GRIK2: variants seen among roughly 807,000 people sequenced by gnomAD.
The protein encoded by GRIK2 is glutamate receptor ionotropic, kainate 2.
Under a neutral mutation model 100.3 loss-of-function variants are expected in GRIK2, and 32 were observed. The observed-to-expected ratio is 0.32, with a 90% CI of 0.24 to 0.43. The LOEUF is 0.43. Ranked by LOEUF, GRIK2 falls within the 20% of genes least tolerant of loss-of-function variation. The pLI is 1.00. For synonymous variants in GRIK2, 417 were observed against 389.4 expected (o/e 1.07, Z -0.83); for missense variants, 843 against 1,114.9 (o/e 0.76, Z 3.47).
chr6:101,692,214 T>C (rs1448359651), intron 7 of GRIK2, among the ~76,000 whole-genome samples: 1 of 152,100 alleles, frequency 6.6e-6, no homozygotes, highest in African/African-American at 2.4e-5. Flanking sequence ...TCATTTGAAA[T>C]GAATATAAAT....
intron 2 of GRIK2, among the ~76,000 whole-genome samples, chr6:101,531,485 G>T (rs984672249): frequency 6.6e-6 from 1 of 151,836 alleles, no homozygotes; most frequent in African/African-American, 2.4e-5. Flanking sequence ...TAGAAGATAA[G>T]GTAGTTGAAG....
At chr6:101,485,336 C>A (rs1354943510) in intron 2 of GRIK2, among the ~76,000 whole-genome samples, 1 of 152,100 alleles carries the variant, frequency 6.6e-6, no homozygotes, top group Admixed American at 6.6e-5. Flanking sequence ...TGATTCCAGT[C>A]CAGTCCAGCA....
intron 14 of GRIK2, among the ~76,000 whole-genome samples, chr6:101,951,104 TGTTA>T (rs1791579007): frequency 6.6e-6 from 1 of 152,224 alleles, no homozygotes; most frequent in African/African-American, 2.4e-5. Flanking sequence ...TTTACTGTGA[TGTTA>T]GTAGAGAAAT....
At chr6:101,953,203 G>A (rs185151858) in intron 14 of GRIK2, among the ~76,000 whole-genome samples, 368 of 152,022 alleles carry the variant, frequency 2.4e-3, no homozygotes, top group African/African-American at 8.5e-3. Context: ...CCACTTTTTG[G>A]ATATTATAAA....
intron 2 of GRIK2, among the ~76,000 whole-genome samples, chr6:101,418,007 G>T: frequency 6.6e-6 from 1 of 152,240 alleles, no homozygotes; most frequent in East Asian, 1.9e-4. Context: ...TCTCTCAAAT[G>T]CAGAGTTCTG....
intron 11 of GRIK2, among the ~76,000 whole-genome samples, chr6:101,874,436 G>T (rs533189031): frequency 6.6e-6 from 1 of 152,058 alleles, no homozygotes; most frequent in Non-Finnish European, 1.5e-5. Context: ...TGCGGGCTGC[G>T]TTCTGTTCCA....
chr6:101,979,295 A>G (rs1378081578), intron 14 of GRIK2, among the ~76,000 whole-genome samples: 4 of 151,972 alleles, frequency 2.6e-5, no homozygotes, highest in East Asian at 1.9e-4. Context: ...ATTTTAAAGC[A>G]TGTTAGAGTT....
intron 10 of GRIK2, among the ~76,000 whole-genome samples, chr6:101,822,155 A>T (rs963081528): frequency 1.3e-5 from 2 of 151,490 alleles, no homozygotes; most frequent in African/African-American, 4.9e-5. Context: ...AATAGACATG[A>T]TCGCTTCCCT....
intron 11 of GRIK2, among the ~76,000 whole-genome samples, chr6:101,861,570 G>T (rs1378553777): frequency 6.6e-6 from 1 of 151,898 alleles, no homozygotes; most frequent in Non-Finnish European, 1.5e-5. Flanking sequence ...TTCACTGTTC[G>T]ATCAACAATA....
chr6:101,541,615 A>G (rs1776001560), intron 2 of GRIK2, among the ~76,000 whole-genome samples: 1 of 152,068 alleles, frequency 6.6e-6, no homozygotes, highest in African/African-American at 2.4e-5. Flanking sequence ...ATCCTATGGC[A>G]CATAGCATTT....
intron 9 of GRIK2, among the ~76,000 whole-genome samples, chr6:101,804,581 T>C (rs1005924028): frequency 1.3e-5 from 2 of 151,814 alleles, no homozygotes; most frequent in Non-Finnish European, 2.9e-5. Flanking sequence ...TAAGGAGAAA[T>C]GGAGGAGCCA....
chr6:102,021,063 T>C (rs759964525), intron 14 of GRIK2, among the ~76,000 whole-genome samples: 2 of 151,840 alleles, frequency 1.3e-5, no homozygotes, highest in Non-Finnish European at 2.9e-5. Context: ...GAAGTAAAGA[T>C]GGTAAGAAAC....
intron 2 of GRIK2, among the ~76,000 whole-genome samples, chr6:101,407,228 C>G (rs1775641838): frequency 6.6e-6 from 1 of 151,908 alleles, no homozygotes; most frequent in Non-Finnish European, 1.5e-5. Flanking sequence ...CCTTCCTTCC[C>G]CAGAAGAAAT....
intron 14 of GRIK2, among the ~76,000 whole-genome samples, chr6:101,930,671 A>G (rs1164849398): frequency 1.3e-5 from 2 of 151,834 alleles, no homozygotes; most frequent in Non-Finnish European, 2.9e-5. Flanking sequence ...AAACATATGT[A>G]TTTTTTCTTT....
intron 2 of GRIK2, among the ~76,000 whole-genome samples, chr6:101,478,282 A>T (rs1772350418): frequency 6.6e-6 from 1 of 152,102 alleles, no homozygotes; most frequent in Non-Finnish European, 1.5e-5. Flanking sequence ...AGACAAACAA[A>T]ATCTTAAAAT....
intron 2 of GRIK2, among the ~76,000 whole-genome samples, chr6:101,570,817 T>C (rs952657867): frequency 6.6e-6 from 1 of 152,136 alleles, no homozygotes; most frequent in Non-Finnish European, 1.5e-5. Context: ...TTATTGACAG[T>C]TGAGTAACTT....
Position 101,622,085 on chromosome 6 carries a change from C to A in GRIK2, c.252C>A (p.Asn84Lys), listed in dbSNP as rs780656788. ...TTLTYDTQKI[N>K]LYDSFEASKK... ...TTACCTATGATACCCAGAAGATAAA[C>A]CTTTATGATAGTTTTGAAGCATCCA... Residue 84 changes from asparagine to lysine, a missense_variant, in exon 3 of 17, where the codon AAC becomes AAA. Asn to Lys is a moderately conservative substitution (Grantham distance 94). Transcript: ENST00000369134. 1.9e-6 allele frequency: 3 copies of A among 1,600,994 alleles called. No individual in the cohort carries two copies. The highest frequency in any genetic ancestry group is 1.1e-5 in the South Asian group (1 of 90,524).
At chr6:101,667,098 C>T (rs145235070) in intron 4 of GRIK2, among the ~76,000 whole-genome samples, 3 of 152,254 alleles carry the variant, frequency 2.0e-5, no homozygotes, top group Non-Finnish European at 2.9e-5. Context: ...CTGCCTGCCA[C>T]GGGCTGCCAT....
At chr6:101,509,722 A>G (rs1774205201) in intron 2 of GRIK2, among the ~76,000 whole-genome samples, 1 of 152,180 alleles carries the variant, frequency 6.6e-6, no homozygotes. Context: ...CAAAACATCA[A>G]GGGTATTCAT....
Sources: allele counts gnomAD v4.1 joint callset (sites outside exome capture counted in the v4.1 genomes callset), GRCh38; gene constraint gnomAD v4.1.1; transcripts MANE v1.5; gene names NCBI Gene and HGNC (gene_info 2026-07-23, HGNC 2026-07-21).